Variants in ECHDC2 observed in about 807,000 individuals in gnomAD.
ECHDC2 encodes the protein enoyl-CoA hydratase domain-containing protein 2, mitochondrial.
ECHDC2 carries 34 observed loss-of-function variants against 40.6 expected under a neutral mutation model. The ratio of observed to expected loss-of-function variants is 0.84; its 90% CI spans 0.64 to 1.11. The LOEUF (loss-of-function observed/expected upper bound fraction) is 1.11, where lower values mean the gene tolerates loss of function less well. Among genes scored for constraint, ECHDC2 ranks in the 50% most tolerant of loss-of-function variants. The probability of loss-of-function intolerance (pLI) is 0.00; values close to 1 mark genes in which losing one functional copy is unlikely to be tolerated. For synonymous variants in ECHDC2, 162 were observed against 166.6 expected (o/e 0.97, Z 0.21); for missense variants, 392 against 400.7 (o/e 0.98, Z 0.19).
rs894636587 is a variant in ECHDC2, at chr1:52,904,691, G to A, written c.657C>T (p.Ala219=). 30 of 1,611,116 alleles carry A rather than the reference G, an allele frequency of 1.9e-5. No homozygotes were observed. Among genetic ancestry groups the A allele is most frequent in the Middle Eastern group, 1.6e-4 (1 of 6,072 alleles). ...HAVAQNEEGD[A]AYQRARALAQ... is the part of the protein sequence containing the mutation. ...CCAGTGCTCGTGCCCGCTGGTAGGC[G>A]GCGTCCCCCTCCTCGTTCTGGGCCA... Residue 219 remains alanine (A), a synonymous_variant, in exon 7 of 10, where the codon GCC becomes GCT. Transcript: ENST00000371522.
At chr1:52,907,662 C>T (rs975453190) in intron 4 of ECHDC2, 9 of 546,738 alleles carry the variant, frequency 1.6e-5, no homozygotes, top group African/African-American at 7.7e-5. Flanking sequence ...GAGGGTGGGG[C>T]GGGACACAAA....
At chr1:52,909,037 G>A (rs778888814) in intron 3 of ECHDC2, among the ~76,000 whole-genome samples, 3 of 150,742 alleles carry the variant, frequency 2.0e-5, no homozygotes, top group East Asian at 1.9e-4. Flanking sequence ...CAATCTCATC[G>A]TCATTAGACA....
intron 1 of ECHDC2, chr1:52,912,204 T>C: frequency 3.6e-6 from 1 of 278,448 alleles, no homozygotes; most frequent in East Asian, 1.3e-4. Context: ...GGGGAGAGTT[T>C]TGCTGTTTTT....
intron 7 of ECHDC2, among the ~76,000 whole-genome samples, chr1:52,903,664 C>T (rs1647142298): frequency 6.6e-6 from 1 of 151,750 alleles, no homozygotes; most frequent in South Asian, 2.1e-4. Context: ...CTTTGGGAGG[C>T]TGAGGCGGGA....
Position 52,921,564 on chromosome 1 carries a change from C to A in ECHDC2, c.110G>T (p.Gly37Val). 6.2e-7 allele frequency: 1 copy of A among 1,609,672 alleles called. No homozygotes were observed. Among genetic ancestry groups the A allele is most frequent in the Non-Finnish European group, 8.5e-7 (1 of 1,178,600 alleles). The change falls in exon 1 of 10, where the codon GGT (glycine) becomes GTT (valine). Residue 37 changes from glycine to valine, a missense_variant. Coordinates refer to ENST00000371522, the MANE Select transcript of ECHDC2 (RefSeq NM_001198961.2). ...GSEIQVRALA[G>V]PDQGITEILM... is the part of the protein sequence containing the mutation. The stretch of plus-strand genomic sequence containing the variant: ...AACTGCACATTTACCTTGGTCCGGA[C>A]CCGCCAGGGCGCGCACTTGGATCTC...
intron 3 of ECHDC2, among the ~76,000 whole-genome samples, chr1:52,910,605 G>A (rs1186602397): frequency 6.6e-6 from 1 of 151,958 alleles, no homozygotes; most frequent in Admixed American, 6.6e-5. Flanking sequence ...CTGACCTCAG[G>A]TGATCCACAC....
intron 1 of ECHDC2, chr1:52,915,100 A>G: frequency 2.5e-6 from 1 of 404,350 alleles, no homozygotes; most frequent in South Asian, 1.8e-5. Flanking sequence ...GGTGTGGGGA[A>G]GAGAGATGGG....
rs749273823 is a variant in ECHDC2, at chr1:52,899,202, C to T, written c.725G>A (p.Gly242Asp). 2.1e-5 allele frequency: 34 copies of T among 1,613,798 alleles called. No individual in the cohort carries two copies. The highest frequency in any genetic ancestry group is 2.5e-5 in the Non-Finnish European group (30 of 1,180,050). ...LPQAPIAVRLGKVAIDRGTEV... is the reference protein window; with the variant it reads ...LPQAPIAVRLDKVAIDRGTEV... ...CGTTCCTCGGTCAATGGCTACTTTG[C>T]CCAGCCGCACGGCAATGGGGGCCTA... Residue 242 changes from glycine to aspartate, a missense_variant, in exon 8 of 10, where the codon GGC (glycine) becomes GAC (aspartate). Physicochemically the swap from Gly to Asp is moderately conservative, Grantham distance 94 (BLOSUM62 -1). Coordinates refer to ENST00000371522, the MANE Select transcript of ECHDC2 (RefSeq NM_001198961.2).
At position 52,907,929 on chromosome 1, in the gene ECHDC2, C is replaced by T. The variant is rs141163827; in HGVS notation, c.303G>A (p.Gln101=). ...CAGADLKERE[Q]MSEAEVGVFV... is the part of the protein sequence containing the mutation. The stretch of plus-strand genomic sequence containing the variant: ...ACACCCCCACCTCTGCTTCACTCAT[C>T]TGTTCCCGCTCCTTCAGGTCTGCAC... The change falls in exon 4 of 10, where the codon CAG becomes CAA. Residue 101 remains glutamine, a synonymous_variant. Transcript: ENST00000371522. 1.2e-6 allele frequency: 2 copies of T among 1,612,930 alleles called. No individual in the cohort carries two copies. Among genetic ancestry groups the T allele is most frequent in the Non-Finnish European group, 1.7e-6 (2 of 1,179,404 alleles).
intron 1 of ECHDC2, chr1:52,912,207 C>CT: frequency 1.7e-5 from 4 of 238,180 alleles, no homozygotes; most frequent in Non-Finnish European, 2.8e-5. Flanking sequence ...GAGAGTTTTG[C>CT]TGTTTTTTTT....
chr1:52,901,965 T>C (rs187460761), intron 7 of ECHDC2: 3 of 152,184 alleles, frequency 2.0e-5, no homozygotes, highest in Admixed American at 6.5e-5. Flanking sequence ...TAATAGAAAC[T>C]TGACAGCATT....
intron 4 of ECHDC2, chr1:52,907,215 A>G (rs1384659509): frequency 4.0e-5 from 6 of 151,748 alleles, no homozygotes; most frequent in South Asian, 2.1e-4. Context: ...TCAGAAGCCA[A>G]TTTTCCCTTT....
chr1:52,900,256 G>C (rs1445559821), intron 7 of ECHDC2: 2 of 152,072 alleles, frequency 1.3e-5, no homozygotes, highest in Non-Finnish European at 2.9e-5. Context: ...GCCGAGACTG[G>C]GGAAACCAGT....
Position 52,911,567 on chromosome 1 carries a change from T to G in ECHDC2, c.276A>C (p.Ala92=). Residue 92 remains alanine, a splice_region_variant and synonymous_variant, in exon 3 of 10, where the codon GCA becomes GCC. Coordinates refer to ENST00000371522, the MANE Select transcript of ECHDC2 (RefSeq NM_001198961.2). ...FRSGVKGVFC[A]GADLKEREQM... is the part of the protein sequence containing the mutation. ...ATGGGGGCAGGAGAGAGAACCTACC[T>G]GCACAGAACACGCCCTTCACTCCAC... is the stretch of plus-strand genomic sequence containing the variant. 1 of 1,613,448 alleles carries G rather than the reference T, an allele frequency of 6.2e-7. No individual in the cohort carries two copies.
intron 1 of ECHDC2, 64 bp downstream of exon 1, chr1:52,921,489 G>C: frequency 6.5e-7 from 1 of 1,539,778 alleles, no homozygotes; most frequent in Non-Finnish European, 8.7e-7. Context: ...CCACCTGCCG[G>C]TCCCCCGCTG....
intron 3 of ECHDC2, among the ~76,000 whole-genome samples, chr1:52,909,704 G>A (rs913096423): frequency 3.9e-5 from 6 of 152,200 alleles, no homozygotes; most frequent in Non-Finnish European, 7.3e-5. Flanking sequence ...CTAATACAAT[G>A]TAAATACTAT....
Position 52,914,759 on chromosome 1 carries a change from A to T in ECHDC2, c.122-2969T>A, listed in dbSNP as rs988620175. On this transcript the variant is annotated intron_variant, in intron 1 of 9. Transcript: ENST00000371522. The surrounding 1 kb of genome is among the most constrained non-coding windows in gnomAD (Gnocchi z 4.0). The stretch of plus-strand genomic sequence containing the variant: ...CACCTACAAAATGCACTCAGTCACT[A>T]AGGCCTGCTAATCCAACCTCTTAAA... Among the ~76,000 whole-genome samples, 9 of 152,054 alleles carry T rather than the reference A, an allele frequency of 5.9e-5. No homozygotes were observed. The highest frequency in any genetic ancestry group is 1.3e-4 in the Non-Finnish European group (9 of 67,990).
intron 1 of ECHDC2, chr1:52,920,598 G>A (rs1201754560): frequency 3.6e-6 from 4 of 1,122,772 alleles, no homozygotes; most frequent in Non-Finnish European, 2.7e-6. Flanking sequence ...CAAAAAGTAA[G>A]CTGTTCCCTG....
In ECHDC2 at chr1:52,920,321, A is replaced by G. The variant is rs530700922; in HGVS notation, c.121+1232T>C. ...GCAACAGCAGGGAGCAAGGAACTGGATTTTATGGCAAAGCCCCGCTTCAAA... is the reference window on the plus strand; with the variant it reads ...GCAACAGCAGGGAGCAAGGAACTGGGTTTTATGGCAAAGCCCCGCTTCAAA... On this transcript the variant is annotated intron_variant, in intron 1 of 9. Transcript: ENST00000371522. 3.0e-5 allele frequency: 19 copies of G among 629,692 alleles called. No individual in the cohort carries two copies. The East Asian group carries it at 5.0e-4, about 17-fold the overall frequency. The allele number at this position is 629,692 out of a possible 1,614,324, so 39.0% of individuals were successfully genotyped here. A position where few individuals can be genotyped will look rare whatever the true frequency, so the allele number is the denominator to read the frequency against.
Sources: allele counts gnomAD v4.1 joint callset (sites outside exome capture counted in the v4.1 genomes callset), GRCh38; gene constraint gnomAD v4.1.1; non-coding constraint Gnocchi (gnomAD v3.1); transcripts MANE v1.5; gene names NCBI Gene and HGNC (gene_info 2026-07-23, HGNC 2026-07-21).